The following GJC2 variants were observed in gnomAD, a reference collection of about 807,000 sequenced individuals.
The protein encoded by GJC2 is gap junction gamma-2 protein.
For missense variants in GJC2, 647 were observed against 648.9 expected, an observed-to-expected ratio of 1.00 and a Z score of 0.03; for synonymous variants, 336 against 307.5, an observed-to-expected ratio of 1.09 and a Z score of -0.97.
rs748782632 is a variant in GJC2, at chr1:228,159,128, CGGT to C, written c.*53_*55del. The C allele has an allele frequency of 8.2e-6, 13 of 1,588,652 alleles. No homozygotes were observed. Among genetic ancestry groups the C allele is most frequent in the Non-Finnish European group, 1.1e-5 (13 of 1,162,260 alleles). Reference sequence around the variant, plus strand: ...AGGGAGGAGGAGGGTTGGGGGGCTCCGGTGGAAACCTGCGACCCCTTCTCCTCA... The same window carrying C: ...AGGGAGGAGGAGGGTTGGGGGGCTCCGGAAACCTGCGACCCCTTCTCCTCA... On this transcript the variant is annotated 3_prime_UTR_variant, in exon 2 of 2. Coordinates refer to ENST00000366714, the MANE Select transcript of GJC2 (RefSeq NM_020435.4). The surrounding 1 kb of genome is among the most constrained non-coding windows in gnomAD (Gnocchi z 4.0).
chr1:228,155,578 A>AGGT (rs2034668773), intron 1 of GJC2, among the ~76,000 whole-genome samples: 5 of 152,032 alleles, frequency 3.3e-5, no homozygotes, highest in Non-Finnish European at 7.4e-5. Context: ...GGGTGGCAGC[A>AGGT]GGCCCAAGAG....
At position 228,152,429 on chromosome 1, in the gene GJC2, G is replaced by C. The variant is rs2034628549; in HGVS notation, c.-20+2422G>C. On this transcript the variant is annotated intron_variant, in intron 1 of 1. Transcript: ENST00000366714. This position sits in a 1 kb window ranked among gnomAD's most constrained non-coding sequence, Gnocchi z 7.3. ...GACCCAGGATGAGCAGGAGCTTGAT[G>C]GGGGAGGGGGCCCGGCTCTGACCGG... Among the ~76,000 whole-genome samples the C allele has an allele frequency of 6.6e-6, 1 of 152,054 alleles. No homozygotes were observed. The highest frequency in any genetic ancestry group is 1.5e-5 in the Non-Finnish European group (1 of 67,970).
In GJC2 at chr1:228,158,189, A is replaced by T; in HGVS notation, c.431A>T (p.Glu144Val). Reference protein sequence around the residue: ...GWPEPADLGEEEPMLGLGEEE... With the variant: ...GWPEPADLGEVEPMLGLGEEE... ...CCTGAGCCCGCCGACCTGGGCGAGG[A>T]GGAGCCCATGCTGGGCCTGGGCGAG... Residue 144 changes from glutamate to valine, a missense_variant, in exon 2 of 2, where the codon GAG (glutamate) becomes GTG (valine). Physicochemically the swap from Glu to Val is moderately radical, Grantham distance 121. Coordinates refer to ENST00000366714, the MANE Select transcript of GJC2 (RefSeq NM_020435.4). This position sits in a 1 kb window ranked among gnomAD's most constrained non-coding sequence, Gnocchi z 8.3. 1 of 1,456,324 alleles carries T rather than the reference A, an allele frequency of 6.9e-7. No individual in the cohort carries two copies. Among genetic ancestry groups the T allele is most frequent in the Non-Finnish European group, 9.0e-7 (1 of 1,107,564 alleles). 90.2% of individuals were successfully genotyped at this position (1,456,324 alleles called of 1,614,324 possible). A position where few individuals can be genotyped will look rare whatever the true frequency, so the allele number is the denominator to read the frequency against.
rs1321149271 is a variant in GJC2, at chr1:228,150,879, C to G, written c.-20+872C>G. Among the ~76,000 whole-genome samples the G allele has an allele frequency of 6.6e-6, 1 of 152,058 alleles. No individual in the cohort carries two copies. Among genetic ancestry groups the G allele is most frequent in the Non-Finnish European group, 1.5e-5 (1 of 67,948 alleles). Reference sequence around the variant, plus strand: ...TTAGGAGGCTGGGGTAATCATCACCCCCTCACTCCCAGTATGGATACCCGC... The same window carrying G: ...TTAGGAGGCTGGGGTAATCATCACCGCCTCACTCCCAGTATGGATACCCGC... On this transcript the variant is annotated intron_variant, in intron 1 of 1. Coordinates refer to ENST00000366714, the MANE Select transcript of GJC2 (RefSeq NM_020435.4). The surrounding 1 kb of genome is among the most constrained non-coding windows in gnomAD (Gnocchi z 4.6).
Position 228,150,977 on chromosome 1 carries a change from C to T in GJC2, c.-20+970C>T, listed in dbSNP as rs2034610710. 6.6e-6 allele frequency among the ~76,000 whole-genome samples: 1 copy of T among 152,050 alleles called. No homozygotes were observed. The highest frequency in any genetic ancestry group is 2.1e-4 in the South Asian group (1 of 4,824). On this transcript the variant is annotated intron_variant, in intron 1 of 1. Transcript: ENST00000366714. The surrounding 1 kb of genome is among the most constrained non-coding windows in gnomAD (Gnocchi z 4.6). The stretch of plus-strand genomic sequence containing the variant: ...CAGCCCTGGAGGCTGGCCTGGGGAG[C>T]TGCCCAGGCTTCAGCGATGACACAC...
At position 228,158,308 on chromosome 1, in the gene GJC2, G is replaced by A. The variant is rs758277909; in HGVS notation, c.550G>A (p.Ala184Thr). 33 of 1,547,392 alleles carry A rather than the reference G, an allele frequency of 2.1e-5. No individual in the cohort carries two copies. Among genetic ancestry groups the A allele is most frequent in the Non-Finnish European group, 2.6e-5 (30 of 1,149,500 alleles). ...GGAGGCGTGCACTAAGGCGGTCGGC[G>A]CTGACGGCAAGGCGGCAGGGACCCC... ...AEEACTKAVGADGKAAGTPGP... is the reference protein window; with the variant it reads ...AEEACTKAVGTDGKAAGTPGP... Residue 184 changes from alanine to threonine, a missense_variant, in exon 2 of 2, where the codon GCT (alanine) becomes ACT (threonine). Physicochemically the swap from Ala to Thr is moderately conservative, Grantham distance 58. Transcript: ENST00000366714. The surrounding 1 kb of genome is among the most constrained non-coding windows in gnomAD (Gnocchi z 8.3).
rs752726092 is a variant in GJC2, at chr1:228,151,968, C to T, written c.-20+1961C>T. Among the ~76,000 whole-genome samples, 14 of 152,234 alleles carry T rather than the reference C, an allele frequency of 9.2e-5. No individual in the cohort carries two copies. Among genetic ancestry groups the T allele is most frequent in the South Asian group, 6.2e-4 (3 of 4,828 alleles). On this transcript the variant is annotated intron_variant, in intron 1 of 1. Transcript: ENST00000366714. The surrounding 1 kb of genome is among the most constrained non-coding windows in gnomAD (Gnocchi z 5.4). Reference sequence around the variant, plus strand: ...CTCTGGGCATCAGGGTAGGGGGCTACGGCCTGTCAGCGGGTGAGGAGAAAT... The same window carrying T: ...CTCTGGGCATCAGGGTAGGGGGCTATGGCCTGTCAGCGGGTGAGGAGAAAT...
intron 1 of GJC2, among the ~76,000 whole-genome samples, chr1:228,155,885 G>A (rs902690004): frequency 6.6e-6 from 1 of 152,232 alleles, no homozygotes; most frequent in Non-Finnish European, 1.5e-5. Context: ...ATTACTGCAG[G>A]CTGCCCCCAG....
chr1:228,156,004 C>G (rs973522427), intron 1 of GJC2, among the ~76,000 whole-genome samples: 1 of 152,198 alleles, frequency 6.6e-6, no homozygotes, highest in Admixed American at 6.5e-5. Context: ...AGGTTCCTGT[C>G]GGGCTGGAAT....
At chr1:228,155,568 G>T (rs2034668599) in intron 1 of GJC2, among the ~76,000 whole-genome samples, 1 of 152,138 alleles carries the variant, frequency 6.6e-6, no homozygotes, top group South Asian at 2.1e-4. Flanking sequence ...CCCATGTTGG[G>T]GGTGGCAGCA....
At chr1:228,157,705 G>A in intron 1 of GJC2, 35 bp from the exon 2 acceptor site, 8 of 1,349,190 alleles carry the variant, frequency 5.9e-6, no homozygotes, top group Non-Finnish European at 7.1e-6. Flanking sequence ...GCTCCTAAGT[G>A]CAGGCCCCTG....
In GJC2 at chr1:228,157,791, G is replaced by A; in HGVS notation, c.33G>A (p.Arg11=). The A allele has an allele frequency of 1.4e-6, 2 of 1,452,672 alleles. No homozygotes were observed. Among genetic ancestry groups the A allele is most frequent in the South Asian group, 1.2e-5 (1 of 83,962 alleles). The allele number at this position is 1,452,672 out of a possible 1,614,324, so 90.0% of individuals were successfully genotyped here. MTNMSWSFLT[R]LLEEIHNHST... is the part of the protein sequence containing the mutation. ...ACATGAGCTGGAGCTTCCTGACGCG[G>A]CTGCTGGAGGAGATCCACAACCACT... Residue 11 remains arginine (R), a synonymous_variant, in exon 2 of 2, where the codon CGG becomes CGA. Transcript: ENST00000366714.
chr1:228,159,208 A>C lies in GJC2; in HGVS notation c.*130A>C, dbSNP rs937483355. The C allele has an allele frequency of 1.0e-5, 11 of 1,089,414 alleles. No homozygotes were observed. Among genetic ancestry groups the C allele is most frequent in the Non-Finnish European group, 1.5e-5 (11 of 752,252 alleles). 67.5% of individuals were successfully genotyped at this position (1,089,414 alleles called of 1,614,324 possible). ...GCAGACTCTGCCCAGAGGGGCAGCC[A>C]GGCTGCTCAGGGAAGGGGCTGAAAG... On this transcript the variant is annotated 3_prime_UTR_variant, in exon 2 of 2. Transcript: ENST00000366714. The surrounding 1 kb of genome is among the most constrained non-coding windows in gnomAD (Gnocchi z 4.0).
At position 228,157,869 on chromosome 1, in the gene GJC2, G is replaced by A; in HGVS notation, c.111G>A (p.Val37=). The change falls in exon 2 of 2, where the codon GTG becomes GTA. Residue 37 remains valine, a synonymous_variant. Coordinates refer to ENST00000366714, the MANE Select transcript of GJC2 (RefSeq NM_020435.4). ...WLTVLVVFRI[V]LTAVGGEAIY... Reference sequence around the variant, plus strand: ...CGGTGCTGGTGGTCTTCCGCATCGTGCTGACGGCTGTGGGCGGCGAGGCCA... The same window carrying A: ...CGGTGCTGGTGGTCTTCCGCATCGTACTGACGGCTGTGGGCGGCGAGGCCA... 6.2e-7 allele frequency: 1 copy of A among 1,611,742 alleles called. No individual in the cohort carries two copies. The highest frequency in any genetic ancestry group is 8.5e-7 in the Non-Finnish European group (1 of 1,179,524).
At chr1:228,154,102 C>T (rs2124963666) in intron 1 of GJC2, among the ~76,000 whole-genome samples, 1 of 152,224 alleles carries the variant, frequency 6.6e-6, no homozygotes, top group South Asian at 2.1e-4. Flanking sequence ...AATGAATGGA[C>T]CAATATGGAT....
Position 228,157,740 on chromosome 1 carries a change from G to GGGGGGGGGGGCCCCC in GJC2, c.-19_-18insGGGGGGGGGGCCCCC. On this transcript the variant is annotated splice_region_variant and 5_prime_UTR_variant, in exon 2 of 2. Transcript: ENST00000366714. The stretch of plus-strand genomic sequence containing the variant: ...GGCTGACCCCTACCCCGCCCCACAG[G>GGGGGGGGGGGCCCCC]ACCCGCCCGCCCGCCCCTATGACCA... 1 of 662,262 alleles carries GGGGGGGGGGGCCCCC rather than the reference G, an allele frequency of 1.5e-6. No homozygotes were observed. Among genetic ancestry groups the GGGGGGGGGGGCCCCC allele is most frequent in the East Asian group, 2.9e-5 (1 of 34,396 alleles). 41.0% of individuals were successfully genotyped at this position (662,262 alleles called of 1,614,324 possible). A position where few individuals can be genotyped will look rare whatever the true frequency, so the allele number is the denominator to read the frequency against.
Position 228,158,770 on chromosome 1 carries a change from C to A in GJC2, c.1012C>A (p.Arg338=). 1 of 1,399,312 alleles carries A rather than the reference C, an allele frequency of 7.1e-7. No individual in the cohort carries two copies. Among genetic ancestry groups the A allele is most frequent in the South Asian group, 1.3e-5 (1 of 74,108 alleles). The allele number at this position is 1,399,312 out of a possible 1,614,324, so 86.7% of individuals were successfully genotyped here. A position where few individuals can be genotyped will look rare whatever the true frequency, so the allele number is the denominator to read the frequency against. Residue 338 remains arginine, a synonymous_variant, in exon 2 of 2, where the codon CGG becomes AGG. Coordinates refer to ENST00000366714, the MANE Select transcript of GJC2 (RefSeq NM_020435.4). The surrounding 1 kb of genome is among the most constrained non-coding windows in gnomAD (Gnocchi z 8.3). The part of the protein sequence containing the change: ...ACPPDYSLVV[R]AAERARAHDQ... ...CCCGCCCGACTACAGCCTGGTGGTG[C>A]GGGCGGCCGAGCGCGCTCGGGCGCA...
rs2034715436 is a variant in GJC2, at chr1:228,158,293, A to C, written c.535A>C (p.Thr179Pro). ...AEEAGAEEAC[T>P]KAVGADGKAA... is the part of the protein sequence containing the mutation. ...GGAGGCAGGCGCGGAGGAGGCGTGC[A>C]CTAAGGCGGTCGGCGCTGACGGCAA... Residue 179 changes from threonine to proline, a missense_variant, in exon 2 of 2, where the codon ACT (threonine) becomes CCT (proline). Thr to Pro is a conservative substitution (Grantham distance 38). Transcript: ENST00000366714. This position sits in a 1 kb window ranked among gnomAD's most constrained non-coding sequence, Gnocchi z 8.3. 1 of 1,538,022 alleles carries C rather than the reference A, an allele frequency of 6.5e-7. No individual in the cohort carries two copies. The highest frequency in any genetic ancestry group is 1.4e-5 in the African/African-American group (1 of 73,012).
Position 228,157,744 on chromosome 1 carries a change from C to G in GJC2, c.-15C>G. 2.8e-6 allele frequency: 1 copy of G among 358,328 alleles called. No individual in the cohort carries two copies. The highest frequency in any genetic ancestry group is 5.6e-6 in the Non-Finnish European group (1 of 177,202). 22.2% of individuals were successfully genotyped at this position (358,328 alleles called of 1,614,324 possible). A position where few individuals can be genotyped will look rare whatever the true frequency, so the allele number is the denominator to read the frequency against. On this transcript the variant is annotated 5_prime_UTR_variant, in exon 2 of 2. Transcript: ENST00000366714. ...GACCCCTACCCCGCCCCACAGGACC[C>G]GCCCGCCCGCCCCTATGACCAACAT...
Sources: allele counts gnomAD v4.1 joint callset (sites outside exome capture counted in the v4.1 genomes callset), GRCh38; gene constraint gnomAD v4.1.1; non-coding constraint Gnocchi (gnomAD v3.1); transcripts MANE v1.5; gene names NCBI Gene and HGNC (gene_info 2026-07-23, HGNC 2026-07-21).